The following PROKR1 variants were observed in gnomAD, a reference collection of about 807,000 sequenced individuals.
PROKR1 encodes prokineticin receptor 1.
Under a neutral mutation model 22.8 loss-of-function variants are expected in PROKR1, and 21 were observed. That is an observed-to-expected ratio of 0.92 (90% CI 0.65 to 1.32). The LOEUF (loss-of-function observed/expected upper bound fraction) is 1.32, where lower values mean the gene tolerates loss of function less well. Among genes scored for constraint, PROKR1 ranks in the 40% most tolerant of loss-of-function variants. The probability of loss-of-function intolerance (pLI) is 0.00; values close to 1 mark genes in which losing one functional copy is unlikely to be tolerated. For synonymous variants in PROKR1, 193 were observed against 207.5 expected, an observed-to-expected ratio of 0.93 and a Z score of 0.60; for missense variants, 548 against 514.2, an observed-to-expected ratio of 1.07 and a Z score of -0.64.
chr2:68,645,678 A>G lies in PROKR1; in HGVS notation c.-144A>G, dbSNP rs1389341249. The G allele has an allele frequency of 1.0e-5, 12 of 1,170,224 alleles. No homozygotes were observed. Among genetic ancestry groups the G allele is most frequent in the South Asian group, 6.7e-5 (5 of 74,758 alleles). The allele number at this position is 1,170,224 out of a possible 1,614,324, so 72.5% of individuals were successfully genotyped here. A position where few individuals can be genotyped will look rare whatever the true frequency, so the allele number is the denominator to read the frequency against. On this transcript the variant is annotated 5_prime_UTR_variant, in exon 2 of 3. Coordinates refer to ENST00000303786, the MANE Select transcript of PROKR1 (RefSeq NM_138964.4). ...CTTTCAAAGGTTTAGAATGGAGCTC[A>G]GATACCATACCCCAAAGATGCTGGC...
chr2:68,654,954 G>A lies in PROKR1; in HGVS notation c.560G>A (p.Trp187Ter). 6.2e-7 allele frequency: 1 copy of A among 1,613,730 alleles called. No individual in the cohort carries two copies. The highest frequency in any genetic ancestry group is 8.5e-7 in the Non-Finnish European group (1 of 1,179,994). The stretch of plus-strand genomic sequence containing the variant: ...GCCACTGGCCTGATTGCCTTGGTGT[G>A]GACGGTGTCCATCCTGATCGCCATC... ...QTATGLIALV[W>*]TVSILIAIPS... Residue 187 changes from tryptophan (W) to a stop codon, truncating the protein, a stop_gained, in exon 3 of 3, where the codon TGG becomes TAG. Coordinates refer to ENST00000303786, the MANE Select transcript of PROKR1 (RefSeq NM_138964.4). LOFTEE classifies it high-confidence loss of function.
chr2:68,655,200 CAG>C lies in PROKR1; in HGVS notation c.809_810del (p.Glu270AlafsTer99), dbSNP rs1388254596. 1 of 1,614,130 alleles carries C rather than the reference CAG, an allele frequency of 6.2e-7. No individual in the cohort carries two copies. The highest frequency in any genetic ancestry group is 8.5e-7 in the Non-Finnish European group (1 of 1,180,046). On this transcript the variant is annotated frameshift_variant, in exon 3 of 3. Transcript: ENST00000303786. LOFTEE classifies it high-confidence loss of function. ...TTCAAGGCGGTCCCTGGATTCCAGA[CAG>C]AGCAGATCCGCAAGAGGCTGCGCTG...
Position 68,651,267 on chromosome 2 carries a change from G to C in PROKR1, c.486-3613G>C, listed in dbSNP as rs1021550887. On this transcript the variant is annotated intron_variant, in intron 2 of 2. Transcript: ENST00000303786. ...AGTCCCAGCTACTCAGGAGGCTGGG[G>C]TGGGAGGAACCCTTGGGCCCAGGAG... Among the ~76,000 whole-genome samples, 72 of 152,206 alleles carry C rather than the reference G, an allele frequency of 4.7e-4. 1 individual carries two copies. Among genetic ancestry groups the C allele is most frequent in the African/African-American group, 1.6e-3 (66 of 41,456 alleles).
chr2:68,651,783 A>C (rs946055497), intron 2 of PROKR1, among the ~76,000 whole-genome samples: 3 of 152,194 alleles, frequency 2.0e-5, no homozygotes, highest in African/African-American at 7.2e-5. Context: ...GCCCATTATT[A>C]TCACAGTTAT....
rs745728109 is a variant in PROKR1 at position 68,655,405 on chromosome 2, C to CAACA, written c.1012_1015dup (p.Thr339LysfsTer32). The CAACA allele has an allele frequency of 6.2e-7, 1 of 1,614,144 alleles. No individual in the cohort carries two copies. The highest frequency in any genetic ancestry group is 1.1e-5 in the South Asian group (1 of 91,078). On this transcript the variant is annotated frameshift_variant, in exon 3 of 3. Coordinates refer to ENST00000303786, the MANE Select transcript of PROKR1 (RefSeq NM_138964.4). LOFTEE classifies it high-confidence loss of function. ...GCATCGCCATGAGCAACAGCATGATCAACACTCTGTGCTTCGTGACCGTCA... is the reference window on the plus strand; with the variant it reads ...GCATCGCCATGAGCAACAGCATGATCAACAAACACTCTGTGCTTCGTGACCGTCA...
rs72835060 is a variant in PROKR1 at position 68,657,589 on chromosome 2, G to A, written c.*2013G>A. The A allele has an allele frequency of 1.5e-3, 221 of 152,280 alleles. 2 individuals carry two copies. The highest frequency in any genetic ancestry group is 2.9e-3 in the Admixed American group (45 of 15,302). 9.4% of individuals were successfully genotyped at this position (152,280 alleles called of 1,614,324 possible). A position where few individuals can be genotyped will look rare whatever the true frequency, so the allele number is the denominator to read the frequency against. On this transcript the variant is annotated 3_prime_UTR_variant, in exon 3 of 3. Coordinates refer to ENST00000303786, the MANE Select transcript of PROKR1 (RefSeq NM_138964.4). ...CCCAGCCAGCATGAATCTGGGCAAT[G>A]GAATAGTTGTTTCTCAGTCTGTTTT...
Position 68,646,018 on chromosome 2 carries a change from G to T in PROKR1, c.197G>T (p.Gly66Val), listed in dbSNP as rs755325729. Residue 66 changes from glycine to valine, a missense_variant, in exon 2 of 3, where the codon GGG becomes GTG. Coordinates refer to ENST00000303786, the MANE Select transcript of PROKR1 (RefSeq NM_138964.4). ...RTFFAAKIVI[G>V]MALVGIMLVC... ...TTCTTTGCTGCCAAGATTGTCATTG[G>T]GATGGCCCTGGTGGGCATCATGCTG... The T allele has an allele frequency of 1.2e-6, 2 of 1,614,222 alleles. No homozygotes were observed. The highest frequency in any genetic ancestry group is 1.7e-6 in the Non-Finnish European group (2 of 1,180,042).
intron 1 of PROKR1, among the ~76,000 whole-genome samples, chr2:68,644,316 G>C (rs1266069783): frequency 6.6e-6 from 1 of 152,182 alleles, no homozygotes. Flanking sequence ...CACGGGACCT[G>C]CAAGGAGTGG....
At position 68,648,551 on chromosome 2, in the gene PROKR1, TTGG is replaced by T. The variant is rs1416482482; in HGVS notation, c.485+2249_485+2251del. Among the ~76,000 whole-genome samples, 3 of 152,198 alleles carry T rather than the reference TTGG, an allele frequency of 2.0e-5. No homozygotes were observed. The East Asian group carries it at 5.8e-4, about 29-fold the overall frequency. ...GCCTTCACAGGGCTGCCCAATGGTC[TTGG>T]TGGATGAATGGCTGCACCAATGCCC... On this transcript the variant is annotated intron_variant, in intron 2 of 2. Coordinates refer to ENST00000303786, the MANE Select transcript of PROKR1 (RefSeq NM_138964.4).
At chr2:68,644,902 T>C (rs1466989578) in intron 1 of PROKR1, among the ~76,000 whole-genome samples, 1 of 152,046 alleles carries the variant, frequency 6.6e-6, no homozygotes, top group Non-Finnish European at 1.5e-5. Context: ...TTCGCTCCCC[T>C]TCCTTGCAGC....
chr2:68,648,814 G>T (rs1159850494), intron 2 of PROKR1, among the ~76,000 whole-genome samples: 1 of 152,112 alleles, frequency 6.6e-6, no homozygotes, highest in Non-Finnish European at 1.5e-5. Flanking sequence ...CAGTTATTCT[G>T]CCTGGGTTTA....
Position 68,655,179 on chromosome 2 carries a change from A to C in PROKR1, c.785A>C (p.Lys262Thr). The C allele has an allele frequency of 6.2e-7, 1 of 1,614,234 alleles. No individual in the cohort carries two copies. Among genetic ancestry groups the C allele is most frequent in the Non-Finnish European group, 8.5e-7 (1 of 1,180,042 alleles). Residue 262 changes from lysine to threonine, a missense_variant, in exon 3 of 3, where the codon AAG (lysine) becomes ACG (threonine). Coordinates refer to ENST00000303786, the MANE Select transcript of PROKR1 (RefSeq NM_138964.4). ...YARISRELWF[K>T]AVPGFQTEQI... ...AGGATCTCCCGGGAGCTCTGGTTCA[A>C]GGCGGTCCCTGGATTCCAGACAGAG...
In PROKR1 at chr2:68,646,250, G is replaced by A. The variant is rs866304425; in HGVS notation, c.429G>A (p.Leu143=). ...GHVLCTSVNY[L]RTVSLYVSTN... ...TCCTGTGCACCTCTGTCAACTACCT[G>A]CGCACTGTCTCTCTCTATGTCTCCA... Residue 143 remains leucine (L), a synonymous_variant, in exon 2 of 3, where the codon CTG becomes CTA. Transcript: ENST00000303786. The A allele has an allele frequency of 1.2e-6, 2 of 1,614,064 alleles. No homozygotes were observed. The highest frequency in any genetic ancestry group is 1.6e-4 in the Middle Eastern group (1 of 6,080).
chr2:68,645,471 A>G (rs148279050), intron 1 of PROKR1, among the ~76,000 whole-genome samples, 191 bp from the exon 2 acceptor site: 107 of 152,336 alleles, frequency 7.0e-4, no homozygotes, highest in African/African-American at 2.5e-3. Flanking sequence ...TTGTCTCTAT[A>G]GCAATCCACC....
At chr2:68,652,948 G>A (rs910183198) in intron 2 of PROKR1, among the ~76,000 whole-genome samples, 8 of 152,254 alleles carry the variant, frequency 5.3e-5, no homozygotes, top group Middle Eastern at 3.4e-3. Context: ...AGCTACTATC[G>A]GGAAAAGGAA....
chr2:68,644,751 G>A (rs1673137584), intron 1 of PROKR1, among the ~76,000 whole-genome samples: 1 of 152,092 alleles, frequency 6.6e-6, no homozygotes, highest in African/African-American at 2.4e-5. Flanking sequence ...ATGTCTTCAG[G>A]GTTTGGGAGG....
chr2:68,655,113 A>C lies in PROKR1; in HGVS notation c.719A>C (p.Glu240Ala). The C allele has an allele frequency of 1.2e-6, 2 of 1,614,084 alleles. No individual in the cohort carries two copies. The highest frequency in any genetic ancestry group is 1.7e-6 in the Non-Finnish European group (2 of 1,180,028). The change falls in exon 3 of 3, where the codon GAA becomes GCA. Residue 240 changes from glutamate (E) to alanine (A), a missense_variant. Physicochemically the swap from Glu to Ala is moderately radical, Grantham distance 107 (BLOSUM62 -1). Coordinates refer to ENST00000303786, the MANE Select transcript of PROKR1 (RefSeq NM_138964.4). ...TACTTCCTCTTTATCTTTGGCATAG[A>C]ATTCGTGGGCCCCGTGGTCACCATG... ...KSYFLFIFGIEFVGPVVTMTL... is the reference protein window; with the variant it reads ...KSYFLFIFGIAFVGPVVTMTL...
intron 2 of PROKR1, chr2:68,649,438 T>G (rs1329830762): frequency 6.6e-6 from 1 of 152,238 alleles, no homozygotes; most frequent in Admixed American, 6.5e-5. Flanking sequence ...TCCTAAACTT[T>G]CATTCATTCA....
chr2:68,655,435 C>A lies in PROKR1; in HGVS notation c.1041C>A (p.Asn347Lys). 6.2e-7 allele frequency: 1 copy of A among 1,614,058 alleles called. No individual in the cohort carries two copies. Among genetic ancestry groups the A allele is most frequent in the South Asian group, 1.1e-5 (1 of 91,076 alleles). The change falls in exon 3 of 3, where the codon AAC becomes AAA. Residue 347 changes from asparagine to lysine, a missense_variant. Asn to Lys is a moderately conservative substitution (Grantham distance 94). Transcript: ENST00000303786. ...CTCTGTGCTTCGTGACCGTCAAGAA[C>A]GACACCGTCAAGTACTTCAAAAAGA... is the stretch of plus-strand genomic sequence containing the variant. ...INTLCFVTVK[N>K]DTVKYFKKIM...
Sources: gnomAD v4.1 joint callset for allele counts (sites outside exome capture counted in the v4.1 genomes callset) on GRCh38, gnomAD v4.1.1 for gene constraint, MANE v1.5 for transcripts, NCBI Gene and HGNC (gene_info 2026-07-23, HGNC 2026-07-21) for gene names.